MYO10: variants seen among roughly 807,000 people sequenced by gnomAD.
MYO10 encodes myosin X.
In MYO10, 133 loss-of-function variants were observed where a neutral mutation model predicts 257.3. The ratio of observed to expected loss-of-function variants is 0.52; its 90% confidence interval spans 0.45 to 0.60. The LOEUF (loss-of-function observed/expected upper bound fraction) is 0.60, where lower values mean the gene tolerates loss of function less well. Among genes scored for constraint, MYO10 ranks in the 20% least tolerant of loss-of-function variants. The probability of loss-of-function intolerance (pLI) is 0.00; values close to 1 mark genes in which losing one functional copy is unlikely to be tolerated. For missense variants in MYO10, 2,399 were observed against 2,635.7 expected, an observed-to-expected ratio of 0.91 and a Z score of 1.97; for synonymous variants, 1,104 against 1,028.6, an observed-to-expected ratio of 1.07 and a Z score of -1.40.
chr5:16,792,498 C>T lies in MYO10; in HGVS notation c.467+2148G>A, dbSNP rs1261779513. 2.6e-5 allele frequency among the ~76,000 whole-genome samples: 4 copies of T among 152,168 alleles called. No homozygotes were observed. The East Asian group carries it at 7.7e-4, about 29-fold the overall frequency. ...TCACATGGGATAATGCTAACATTCT[C>T]CATCCATTTCCCTGCCCCAGGGTTT... On this transcript the variant is annotated intron_variant, in intron 4 of 40. Transcript: ENST00000513610.
At chr5:16,762,721 T>TGG in intron 14 of MYO10, 84 bp from the exon 15 acceptor site, 1 of 1,044,464 alleles carries the variant, frequency 9.6e-7, no homozygotes, top group Non-Finnish European at 1.4e-6. Flanking sequence ...TCCAGCACTT[T>TGG]GGGAAGCCAA....
At chr5:16,867,817 G>A (rs762832768) in intron 2 of MYO10, among the ~76,000 whole-genome samples, 1 of 152,170 alleles carries the variant, frequency 6.6e-6, no homozygotes, top group Non-Finnish European at 1.5e-5. Context: ...TTAATAAAAT[G>A]AGAAGAATTT....
intron 9 of MYO10, among the ~76,000 whole-genome samples, chr5:16,774,136 A>T (rs1285777992): frequency 2.0e-5 from 3 of 152,202 alleles, no homozygotes; most frequent in Non-Finnish European, 4.4e-5. Flanking sequence ...AAACCATGGG[A>T]AATTCTATGA....
chr5:16,866,445 C>G (rs142253646), intron 2 of MYO10, among the ~76,000 whole-genome samples: 1 of 152,260 alleles, frequency 6.6e-6, no homozygotes, highest in East Asian at 1.9e-4. Context: ...GGGCCATTAA[C>G]TTGCTATTAG....
rs746751894 is a variant in MYO10, at chr5:16,762,115, TAAAAAAAA to T, written c.1588-10_1588-3del. 3.7e-4 allele frequency: 212 copies of T among 567,360 alleles called. No homozygotes were observed. The highest frequency in any genetic ancestry group is 1.1e-3 in the African/African-American group (34 of 29,920). The allele number at this position is 567,360 out of a possible 1,614,324, so 35.1% of individuals were successfully genotyped here. A position where few individuals can be genotyped will look rare whatever the true frequency, so the allele number is the denominator to read the frequency against. Reference sequence around the variant, plus strand: ...GGGCTTCACATAAAAGTGGTTATTCTAAAAAAAAAAAAAAAAAAAAAAAAAAAAATACA... The same window carrying T: ...GGGCTTCACATAAAAGTGGTTATTCTAAAAAAAAAAAAAAAAAAAAATACA... On this transcript the variant is annotated splice_polypyrimidine_tract_variant and splice_region_variant and intron_variant, in intron 15 of 40. Transcript: ENST00000513610.
rs571030813 is a variant in MYO10 at position 16,849,843 on chromosome 5, C to T, written c.120+27766G>A. On this transcript the variant is annotated intron_variant, in intron 2 of 40. Coordinates refer to ENST00000513610, the MANE Select transcript of MYO10 (RefSeq NM_012334.3). Reference sequence around the variant, plus strand: ...AACATTTCAAAGCAGCTAAAATATCCGCCAACCCATACAAAAGAAATTAAG... The same window carrying T: ...AACATTTCAAAGCAGCTAAAATATCTGCCAACCCATACAAAAGAAATTAAG... Among the ~76,000 whole-genome samples the T allele has an allele frequency of 4.6e-5, 7 of 152,210 alleles. No homozygotes were observed. In the South Asian group the frequency reaches 1.2e-3, roughly 27 times the overall value.
chr5:16,829,748 G>A (rs1328635629), intron 2 of MYO10, among the ~76,000 whole-genome samples: 7 of 152,082 alleles, frequency 4.6e-5, no homozygotes, highest in Admixed American at 2.0e-4. Flanking sequence ...CAGTGCAGAC[G>A]CAACGAACAC....
At chr5:16,716,986 T>C (rs1738901852) in intron 19 of MYO10, among the ~76,000 whole-genome samples, 1 of 152,096 alleles carries the variant, frequency 6.6e-6, no homozygotes. Context: ...TACAGGCATG[T>C]GTCACCACAC....
chr5:16,934,198 A>AGC (rs1561068306), intron 1 of MYO10, among the ~76,000 whole-genome samples: 2 of 152,290 alleles, frequency 1.3e-5, no homozygotes. Flanking sequence ...AGGACGCTGT[A>AGC]GCGCGTTATC....
intron 29 of MYO10, among the ~76,000 whole-genome samples, chr5:16,684,885 A>G (rs1342288690): frequency 6.6e-6 from 1 of 151,966 alleles, no homozygotes; most frequent in Non-Finnish European, 1.5e-5. Flanking sequence ...TGTTTCTACT[A>G]AAATACAAAA....
Position 16,763,492 on chromosome 5 carries a change from A to G in MYO10, c.1483T>C (p.Leu495=). 6.2e-7 allele frequency: 1 copy of G among 1,611,610 alleles called. No homozygotes were observed. Among genetic ancestry groups the G allele is most frequent in the Non-Finnish European group, 8.5e-7 (1 of 1,177,750 alleles). The part of the protein sequence containing the change: ...DWIDNGECLD[L]IEKKLGLLAL... ...CAAAAATACATTACCTTCTCAATCA[A>G]GTCCAGGCATTCTCCATTGTCTATC... is the stretch of plus-strand genomic sequence containing the variant. The change falls in exon 14 of 41, where the codon TTG becomes CTG. Residue 495 remains leucine, a synonymous_variant. Coordinates refer to ENST00000513610, the MANE Select transcript of MYO10 (RefSeq NM_012334.3).
At chr5:16,814,620 A>C (rs1470839772) in intron 3 of MYO10, 1 of 152,152 alleles carries the variant, frequency 6.6e-6, no homozygotes. Flanking sequence ...CTGTTCTGAC[A>C]GGTGGCGGTC....
chr5:16,669,774 C>G (rs1328576069), intron 39 of MYO10, among the ~76,000 whole-genome samples: 5 of 152,132 alleles, frequency 3.3e-5, no homozygotes, highest in Non-Finnish European at 7.4e-5. Flanking sequence ...CGCTGAATTA[C>G]TGTGATCATA....
intron 2 of MYO10, among the ~76,000 whole-genome samples, chr5:16,844,939 C>T (rs559087839): frequency 2.3e-5 from 3 of 129,162 alleles, no homozygotes; most frequent in East Asian, 2.1e-4. Flanking sequence ...ATTCCAGATA[C>T]ACACACACAC....
chr5:16,768,184 T>C (rs565793203), intron 10 of MYO10, among the ~76,000 whole-genome samples: 4 of 152,234 alleles, frequency 2.6e-5, no homozygotes, highest in African/African-American at 9.6e-5. Flanking sequence ...ACCTCATCTC[T>C]TGCTTCCATC....
intron 24 of MYO10, 140 bp downstream of exon 24, chr5:16,702,403 T>A (rs1445089466): frequency 2.5e-6 from 2 of 800,784 alleles, no homozygotes; most frequent in Non-Finnish European, 4.0e-6. Flanking sequence ...AGGTCAGAAA[T>A]TGGATCATAA....
Position 16,704,622 on chromosome 5 carries a change from C to T in MYO10, c.2233G>A (p.Ala745Thr), listed in dbSNP as rs762268388. The T allele has an allele frequency of 1.2e-6, 2 of 1,613,906 alleles. No homozygotes were observed. The highest frequency in any genetic ancestry group is 1.1e-5 in the South Asian group (1 of 91,066). Reference sequence around the variant, plus strand: ...ACATGGGCCCGAATCACCATGGCCGCGTGGCTCACTTCCTCTTCCCTCCGC... The same window carrying T: ...ACATGGGCCCGAATCACCATGGCCGTGTGGCTCACTTCCTCTTCCCTCCGC... ...EKRREEEVSH[A>T]AMVIRAHVLG... is the part of the protein sequence containing the mutation. The change falls in exon 22 of 41, where the codon GCG becomes ACG. Residue 745 changes from alanine to threonine, a missense_variant. By Grantham distance (58) the Ala-to-Thr change is moderately conservative (BLOSUM62 0). Transcript: ENST00000513610.
chr5:16,791,853 A>G (rs1741767470), intron 4 of MYO10, among the ~76,000 whole-genome samples: 1 of 152,176 alleles, frequency 6.6e-6, no homozygotes, highest in Non-Finnish European at 1.5e-5. Flanking sequence ...AGAGCCCACA[A>G]ATAGTGGTTC....
At chr5:16,922,978 C>G (rs1319231336) in intron 1 of MYO10, among the ~76,000 whole-genome samples, 1 of 151,998 alleles carries the variant, frequency 6.6e-6, no homozygotes, top group Non-Finnish European at 1.5e-5. Flanking sequence ...CTGCAGTGAG[C>G]TGTGATAGTG....
Sources: allele counts gnomAD v4.1 joint callset (sites outside exome capture counted in the v4.1 genomes callset), GRCh38; gene constraint gnomAD v4.1.1; transcripts MANE v1.5; gene names NCBI Gene and HGNC (gene_info 2026-07-23, HGNC 2026-07-21).